FNTB: variants seen among roughly 807,000 people sequenced by gnomAD.
FNTB encodes farnesyltransferase, CAAX box, subunit beta, also known as protein farnesyltransferase subunit beta.
A neutral mutation model predicts 59.4 loss-of-function variants in FNTB; 27 were observed. The observed-to-expected ratio is 0.45, with a 90% CI of 0.34 to 0.63. FNTB has a LOEUF of 0.63. Among genes scored for constraint, FNTB ranks in the 20% least tolerant of loss-of-function variants. The probability of loss-of-function intolerance (pLI) is 0.02; values close to 1 mark genes in which losing one functional copy is unlikely to be tolerated. For synonymous variants in FNTB, 230 were observed against 220.7 expected, an observed-to-expected ratio of 1.04 and a Z score of -0.37; for missense variants, 449 against 559.6, an observed-to-expected ratio of 0.80 and a Z score of 1.99.
chr14:65,012,398 A>C lies in FNTB; in HGVS notation c.282+9A>C. The stretch of plus-strand genomic sequence containing the variant: ...TGACAGATGCCTATGAGGTAAACAC[A>C]TTACCCAGGAACTCTTGCTGTCAAA... On this transcript the variant is annotated intron_variant, in intron 3 of 11. Coordinates refer to ENST00000246166, the MANE Select transcript of FNTB (RefSeq NM_002028.4). This position sits in a 1 kb window ranked among gnomAD's most constrained non-coding sequence, Gnocchi z 5.0. The C allele has an allele frequency of 6.2e-7, 1 of 1,614,084 alleles. No homozygotes were observed. Among genetic ancestry groups the C allele is most frequent in the South Asian group, 1.1e-5 (1 of 91,086 alleles).
intron 2 of FNTB, among the ~76,000 whole-genome samples, chr14:65,005,449 TTTTC>T (rs71123898): frequency 0.083 from 9,980 of 119,690 alleles, 450 homozygotes; most frequent in Middle Eastern, 0.21. Context: ...TCTTCCTTTC[TTTTC>T]TTTCTTTCTT....
chr14:65,000,212 C>T (rs1888545457), intron 1 of FNTB, among the ~76,000 whole-genome samples: 1 of 152,170 alleles, frequency 6.6e-6, no homozygotes, highest in Non-Finnish European at 1.5e-5. Flanking sequence ...GATTTTGTGT[C>T]ATTCAGAATT....
At chr14:65,022,707 T>G (rs908973454) in intron 4 of FNTB, among the ~76,000 whole-genome samples, 1 of 152,050 alleles carries the variant, frequency 6.6e-6, no homozygotes, top group Non-Finnish European at 1.5e-5. Context: ...TTTACAACTC[T>G]CATGTGAATT....
At chr14:65,006,647 G>T (rs1384507532) in intron 2 of FNTB, among the ~76,000 whole-genome samples, 1 of 152,218 alleles carries the variant, frequency 6.6e-6, no homozygotes, top group Non-Finnish European at 1.5e-5. Flanking sequence ...CTGAGTCACT[G>T]TCCACTGCCT....
chr14:64,996,138 AAAG>A (rs1193594515), intron 1 of FNTB, among the ~76,000 whole-genome samples: 2 of 151,144 alleles, frequency 1.3e-5, no homozygotes, highest in Non-Finnish European at 2.9e-5. Flanking sequence ...AAAAAAAAAA[AAAG>A]AAAAAAGAAA....
Position 65,032,518 on chromosome 14 carries a change from C to T in FNTB, c.606-92C>T. 1 of 1,412,116 alleles carries T rather than the reference C, an allele frequency of 7.1e-7. No individual in the cohort carries two copies. The highest frequency in any genetic ancestry group is 9.6e-7 in the Non-Finnish European group (1 of 1,042,330). 87.5% of individuals were successfully genotyped at this position (1,412,116 alleles called of 1,614,324 possible). A position where few individuals can be genotyped will look rare whatever the true frequency, so the allele number is the denominator to read the frequency against. ...GAGGACAGGAGGTGATTACAGCTTA[C>T]TAGGCAAGGCGAGCAGTCCGCCCGC... On this transcript the variant is annotated intron_variant, in intron 6 of 11. Transcript: ENST00000246166. The surrounding 1 kb of genome is among the most constrained non-coding windows in gnomAD (Gnocchi z 5.0).
chr14:65,018,809 TAA>T (rs34066098), intron 4 of FNTB, among the ~76,000 whole-genome samples: 1,096 of 108,410 alleles, frequency 0.01, 13 homozygotes, highest in East Asian at 0.083. Flanking sequence ...GACTCTGTCT[TAA>T]AAAAAAAAAA....
intron 7 of FNTB, among the ~76,000 whole-genome samples, chr14:65,036,460 C>T (rs940688500): frequency 6.6e-6 from 1 of 152,058 alleles, no homozygotes; most frequent in Non-Finnish European, 1.5e-5. Context: ...TGGTCTTAAA[C>T]CCCTGAGCTT....
Position 64,987,179 on chromosome 14 carries a change from G to T in FNTB, c.144+82G>T. 2.0e-6 allele frequency: 3 copies of T among 1,518,118 alleles called. No homozygotes were observed. The South Asian group carries it at 3.5e-5, about 18-fold the overall frequency. The allele number at this position is 1,518,118 out of a possible 1,614,324, so 94.0% of individuals were successfully genotyped here. A position where few individuals can be genotyped will look rare whatever the true frequency, so the allele number is the denominator to read the frequency against. The stretch of plus-strand genomic sequence containing the variant: ...CCGTTCGTAGGGCCGCCCGGGTGCG[G>T]AACTCACCGGGGAACTACGACTCCC... On this transcript the variant is annotated intron_variant, in intron 1 of 11. Coordinates refer to ENST00000246166, the MANE Select transcript of FNTB (RefSeq NM_002028.4).
chr14:65,044,295 A>G lies in FNTB; in HGVS notation c.823-16A>G. The G allele has an allele frequency of 6.2e-7, 1 of 1,611,972 alleles. No individual in the cohort carries two copies. The highest frequency in any genetic ancestry group is 1.1e-5 in the South Asian group (1 of 90,518). ...CTTTTAGCCTACAACTGCCTTTCCCATCTGTGTCTCCTCAGCAATGGGTGA... is the reference window on the plus strand; with the variant it reads ...CTTTTAGCCTACAACTGCCTTTCCCGTCTGTGTCTCCTCAGCAATGGGTGA... On this transcript the variant is annotated splice_polypyrimidine_tract_variant and intron_variant, in intron 8 of 11. Coordinates refer to ENST00000246166, the MANE Select transcript of FNTB (RefSeq NM_002028.4). The surrounding 1 kb of genome is among the most constrained non-coding windows in gnomAD (Gnocchi z 5.5).
Position 65,012,374 on chromosome 14 carries a change from G to A in FNTB, c.267G>A (p.Leu89=). The change falls in exon 3 of 12, where the codon CTG becomes CTA. Residue 89 remains leucine, a synonymous_variant. Coordinates refer to ENST00000246166, the MANE Select transcript of FNTB (RefSeq NM_002028.4). The surrounding 1 kb of genome is among the most constrained non-coding windows in gnomAD (Gnocchi z 5.0). ...ATCTGAAAAGAGGCCTTCGACAACT[G>A]ACAGATGCCTATGAGGTAAACACAT... is the stretch of plus-strand genomic sequence containing the variant. ...FHYLKRGLRQ[L]TDAYECLDAS... is the part of the protein sequence containing the mutation. 6.2e-7 allele frequency: 1 copy of A among 1,614,154 alleles called. No individual in the cohort carries two copies. The highest frequency in any genetic ancestry group is 8.5e-7 in the Non-Finnish European group (1 of 1,179,982).
At chr14:65,036,468 C>T (rs2062195978) in intron 7 of FNTB, among the ~76,000 whole-genome samples, 2 of 151,792 alleles carry the variant, frequency 1.3e-5, no homozygotes, top group Admixed American at 6.6e-5. Flanking sequence ...AACCCCTGAG[C>T]TTAAGCAATC....
intron 2 of FNTB, among the ~76,000 whole-genome samples, chr14:65,004,815 A>G (rs968110938): frequency 6.6e-6 from 1 of 152,018 alleles, no homozygotes; most frequent in Non-Finnish European, 1.5e-5. Context: ...GGCACCCACC[A>G]CCACACTCGG....
chr14:65,006,314 C>A (rs1595002143), intron 2 of FNTB: 3 of 1,612,794 alleles, frequency 1.9e-6, no homozygotes, highest in Non-Finnish European at 2.5e-6. Flanking sequence ...AAAATATCAG[C>A]TTACTAGTAT....
Position 65,012,533 on chromosome 14 carries a change from C to A in FNTB, c.282+144C>A. ...TGTGGCTCTGGCAGGAGGTAGGGTG[C>A]TGTCACAGAGCTGGGACTCAGCCCT... On this transcript the variant is annotated intron_variant, in intron 3 of 11. Coordinates refer to ENST00000246166, the MANE Select transcript of FNTB (RefSeq NM_002028.4). The surrounding 1 kb of genome is among the most constrained non-coding windows in gnomAD (Gnocchi z 5.0). 4 of 1,150,002 alleles carry A rather than the reference C, an allele frequency of 3.5e-6. No individual in the cohort carries two copies. Among genetic ancestry groups the A allele is most frequent in the Non-Finnish European group, 4.9e-6 (4 of 814,354 alleles). 71.2% of individuals were successfully genotyped at this position (1,150,002 alleles called of 1,614,324 possible). A position where few individuals can be genotyped will look rare whatever the true frequency, so the allele number is the denominator to read the frequency against.
chr14:65,051,240 C>T (rs943621144), intron 9 of FNTB, among the ~76,000 whole-genome samples: 8 of 152,204 alleles, frequency 5.3e-5, no homozygotes, highest in African/African-American at 1.7e-4. Flanking sequence ...TCACCTAGTG[C>T]TCAACCTTGG....
intron 1 of FNTB, among the ~76,000 whole-genome samples, chr14:65,000,602 C>T (rs749499483): frequency 4.0e-5 from 6 of 151,864 alleles, no homozygotes; most frequent in Non-Finnish European, 7.4e-5. Context: ...CGGCAGATCA[C>T]GAGGTCAGGA....
chr14:65,038,107 C>T (rs2062255443), intron 7 of FNTB, among the ~76,000 whole-genome samples: 1 of 152,068 alleles, frequency 6.6e-6, no homozygotes, highest in Non-Finnish European at 1.5e-5. Flanking sequence ...ATTTGATTGT[C>T]TGACTTTTAA....
intron 11 of FNTB, among the ~76,000 whole-genome samples, chr14:65,060,869 T>TC (rs1566584840): frequency 2.3e-5 from 1 of 42,966 alleles, no homozygotes; most frequent in Non-Finnish European, 3.7e-5. Context: ...CAAGACTCTC[T>TC]CAAAAAAAAA....
Sources: allele counts gnomAD v4.1 joint callset (sites outside exome capture counted in the v4.1 genomes callset), GRCh38; gene constraint gnomAD v4.1.1; non-coding constraint Gnocchi (gnomAD v3.1); transcripts MANE v1.5; gene names NCBI Gene and HGNC (gene_info 2026-07-23, HGNC 2026-07-21).